Variants in CCDC198 observed in about 807,000 individuals in gnomAD.
The protein encoded by CCDC198 is coiled-coil domain containing 198.
Under a neutral mutation model 35.6 loss-of-function variants are expected in CCDC198, and 18 were observed. That is an observed-to-expected ratio of 0.51 (90% CI 0.35 to 0.75). The LOEUF (loss-of-function observed/expected upper bound fraction) is 0.75. CCDC198 is among the 30% of genes least tolerant of loss of function. The pLI is 0.01. For missense variants in CCDC198, 365 were observed against 343.7 expected (o/e 1.06, Z -0.49); for synonymous variants, 119 against 113.4 (o/e 1.05, Z -0.31).
intron 5 of CCDC198, 111 bp downstream of exon 5, chr14:57,480,484 A>G: frequency 7.4e-7 from 1 of 1,344,114 alleles, no homozygotes; most frequent in Non-Finnish European, 1.0e-6. Flanking sequence ...AATCTCAGCA[A>G]GAGCTCAAAG....
At chr14:57,484,425 C>T (rs1483756860) in intron 2 of CCDC198, among the ~76,000 whole-genome samples, 2 of 152,120 alleles carry the variant, frequency 1.3e-5, no homozygotes, top group African/African-American at 4.8e-5. Context: ...AGGAGAGAGT[C>T]GTGGAACAGA....
At chr14:57,491,819 T>G (rs1036120446) in intron 1 of CCDC198, among the ~76,000 whole-genome samples, 4 of 152,104 alleles carry the variant, frequency 2.6e-5, no homozygotes, top group Admixed American at 2.6e-4. Context: ...TTCTGACTTC[T>G]AGATTGTTTC....
At chr14:57,486,381 A>G (rs1304541742) in intron 2 of CCDC198, among the ~76,000 whole-genome samples, 1 of 152,102 alleles carries the variant, frequency 6.6e-6, no homozygotes. Context: ...CATCTCCAGG[A>G]TTTAAGCGCA....
intron 5 of CCDC198, among the ~76,000 whole-genome samples, chr14:57,473,969 A>G (rs2066896072): frequency 6.6e-6 from 1 of 152,046 alleles, no homozygotes; most frequent in Admixed American, 6.6e-5. Context: ...TCCAGCACCC[A>G]TGGTCCTCAC....
chr14:57,493,317 T>C (rs2067640616), intron 1 of CCDC198, among the ~76,000 whole-genome samples, 176 bp downstream of exon 1: 1 of 152,218 alleles, frequency 6.6e-6, no homozygotes, highest in African/African-American at 2.4e-5. Flanking sequence ...GAACCCAGAA[T>C]ACTTTCAACT....
At chr14:57,471,899 A>C (rs1013382244) in intron 5 of CCDC198, among the ~76,000 whole-genome samples, 1 of 151,718 alleles carries the variant, frequency 6.6e-6, no homozygotes, top group Non-Finnish European at 1.5e-5. Context: ...ATATATGCAT[A>C]TATCTATCTA....
chr14:57,482,739 G>GC (rs2067229845), intron 3 of CCDC198, among the ~76,000 whole-genome samples: 1 of 152,158 alleles, frequency 6.6e-6, no homozygotes, highest in Non-Finnish European at 1.5e-5. Context: ...GAGGACTTAT[G>GC]CTGAATTTTT....
intron 5 of CCDC198, chr14:57,479,045 GA>G (rs2067098120): frequency 7.8e-7 from 1 of 1,286,838 alleles, no homozygotes. Context: ...TACAAACAAG[GA>G]AAACTTAATG....
chr14:57,491,683 G>C (rs751656999), intron 1 of CCDC198, among the ~76,000 whole-genome samples: 4 of 152,076 alleles, frequency 2.6e-5, no homozygotes, highest in Non-Finnish European at 5.9e-5. Context: ...AGGAAACAGA[G>C]AGGCTCAACA....
chr14:57,485,967 G>A (rs1034631449), intron 2 of CCDC198, among the ~76,000 whole-genome samples: 1 of 152,128 alleles, frequency 6.6e-6, no homozygotes, highest in African/African-American at 2.4e-5. Context: ...TAACTCTGCA[G>A]GACATGAAGA....
chr14:57,478,934 G>A (rs1239395877), intron 5 of CCDC198: 45 of 1,279,410 alleles, frequency 3.5e-5, no homozygotes, highest in Middle Eastern at 2.1e-4. Context: ...CTCTCTCAGC[G>A]GTGGGTCAGT....
Position 57,470,829 on chromosome 14 carries a change from A to T in CCDC198, c.*526T>A. ...GAAGTGATGCAAAGTCAGTTCTATG[A>T]CTAGCTTTTAAGAAGACTGGCAACT... is the stretch of plus-strand genomic sequence containing the variant. On this transcript the variant is annotated 3_prime_UTR_variant, in exon 6 of 6. Coordinates refer to ENST00000216445, the MANE Select transcript of CCDC198 (RefSeq NM_018168.4). 1 of 153,258 alleles carries T rather than the reference A, an allele frequency of 6.5e-6. No homozygotes were observed. The highest frequency in any genetic ancestry group is 1.9e-4 in the East Asian group (1 of 5,204). The allele number at this position is 153,258 out of a possible 1,614,324, so 9.5% of individuals were successfully genotyped here. A position where few individuals can be genotyped will look rare whatever the true frequency, so the allele number is the denominator to read the frequency against.
At chr14:57,479,059 G>T in intron 5 of CCDC198, 3 of 1,268,740 alleles carry the variant, frequency 2.4e-6, no homozygotes, top group South Asian at 1.2e-5. Flanking sequence ...ACTTAATGGG[G>T]CTCTAATTGG....
chr14:57,491,126 A>G lies in CCDC198; in HGVS notation c.224-55T>C, dbSNP rs45470596. ...AAACATTAAATATAATTTACTATTA[A>G]ATCAGGCAATCATTAGTTACTAGAC... On this transcript the variant is annotated intron_variant, in intron 1 of 5. Transcript: ENST00000216445. The G allele has an allele frequency of 2.6e-6, 4 of 1,539,132 alleles. No homozygotes were observed. In the African/African-American group the frequency reaches 5.5e-5, roughly 21 times the overall value.
At position 57,493,742 on chromosome 14, in the gene CCDC198, G is replaced by A; in HGVS notation, c.-27C>T. On this transcript the variant is annotated 5_prime_UTR_variant, in exon 1 of 6. Coordinates refer to ENST00000216445, the MANE Select transcript of CCDC198 (RefSeq NM_018168.4). ...TCATGTGAAAGACATTCAGAGGAAA[G>A]CTGCGAGGGAAGTGGTTTTGGGGTC... 2 of 1,584,306 alleles carry A rather than the reference G, an allele frequency of 1.3e-6. No homozygotes were observed.
At chr14:57,478,454 T>C in intron 5 of CCDC198, 14 of 985,812 alleles carry the variant, frequency 1.4e-5, no homozygotes, top group Non-Finnish European at 1.7e-5. Context: ...TAGTAAGCAC[T>C]CAACAAACCT....
intron 5 of CCDC198, chr14:57,478,741 G>A: frequency 1.9e-6 from 2 of 1,059,506 alleles, no homozygotes; most frequent in East Asian, 7.1e-5. Context: ...TTCATTCTGA[G>A]ACTTGGAAGT....
In CCDC198 at chr14:57,469,559, A is replaced by G. The variant is rs949033068; in HGVS notation, c.*1796T>C. On this transcript the variant is annotated 3_prime_UTR_variant, in exon 6 of 6. Transcript: ENST00000216445. Reference sequence around the variant, plus strand: ...TTAAGCCTTCCAAATTGACCACAATAAGTGAGGACACCATGAATAGGTTGG... The same window carrying G: ...TTAAGCCTTCCAAATTGACCACAATGAGTGAGGACACCATGAATAGGTTGG... The G allele has an allele frequency of 6.6e-6, 1 of 152,268 alleles. No homozygotes were observed. The highest frequency in any genetic ancestry group is 2.4e-5 in the African/African-American group (1 of 41,470). The allele number at this position is 152,268 out of a possible 1,614,324, so 9.4% of individuals were successfully genotyped here.
Position 57,470,025 on chromosome 14 carries a change from A to G in CCDC198, c.*1330T>C, listed in dbSNP as rs1289394902. On this transcript the variant is annotated 3_prime_UTR_variant, in exon 6 of 6. Coordinates refer to ENST00000216445, the MANE Select transcript of CCDC198 (RefSeq NM_018168.4). ...GCATTTTACACAAAAGTTCTTAAAA[A>G]TTGTCCCAAAAGCTAATTTTTCCAA... The G allele has an allele frequency of 1.3e-5, 2 of 152,234 alleles. No individual in the cohort carries two copies. The highest frequency in any genetic ancestry group is 1.3e-4 in the Admixed American group (2 of 15,290). 9.4% of individuals were successfully genotyped at this position (152,234 alleles called of 1,614,324 possible). A position where few individuals can be genotyped will look rare whatever the true frequency, so the allele number is the denominator to read the frequency against.
Sources: allele counts gnomAD v4.1 joint callset (sites outside exome capture counted in the v4.1 genomes callset), GRCh38; gene constraint gnomAD v4.1.1; transcripts MANE v1.5; gene names NCBI Gene and HGNC (gene_info 2026-07-23, HGNC 2026-07-21).